CHST11: variants seen among roughly 807,000 people sequenced by gnomAD.
CHST11 encodes the protein C4S-1.
Under a neutral mutation model 30.4 loss-of-function variants are expected in CHST11, and 9 were observed. The ratio of observed to expected loss-of-function variants is 0.30; its 90% CI spans 0.18 to 0.52. The LOEUF is 0.52. Among genes scored for constraint, CHST11 ranks in the 20% least tolerant of loss-of-function variants. The pLI, the probability that CHST11 is intolerant of heterozygous loss-of-function variation, is 0.97. For synonymous variants in CHST11, 152 were observed against 187.8 expected (o/e 0.81, Z 1.56); for missense variants, 348 against 460.6 (o/e 0.76, Z 2.24).
At chr12:104,660,598 C>T (rs1386612421) in intron 2 of CHST11, among the ~76,000 whole-genome samples, 3 of 152,218 alleles carry the variant, frequency 2.0e-5, no homozygotes, top group Non-Finnish European at 2.9e-5. Flanking sequence ...AAATTTCCAT[C>T]CCGGCTGAGG....
At position 104,457,061 on chromosome 12, in the gene CHST11, G is replaced by A. The variant is rs1393808000; in HGVS notation, c.-351G>A. The A allele has an allele frequency of 1.6e-5, 3 of 185,184 alleles. No individual in the cohort carries two copies. The highest frequency in any genetic ancestry group is 1.8e-4 in the South Asian group (1 of 5,422). 11.5% of individuals were successfully genotyped at this position (185,184 alleles called of 1,614,324 possible). ...CCACAGCGGCCAGCGCAGCGGCAGC[G>A]GCGGCGGCACCACCATCACCGCTCG... On this transcript the variant is annotated 5_prime_UTR_variant, in exon 1 of 3. Coordinates refer to ENST00000303694, the MANE Select transcript of CHST11 (RefSeq NM_018413.6).
intron 2 of CHST11, among the ~76,000 whole-genome samples, chr12:104,626,597 A>C (rs945818078): frequency 2.6e-5 from 4 of 150,960 alleles, no homozygotes; most frequent in Non-Finnish European, 2.9e-5. Context: ...AAAAAAAAAA[A>C]CATGGTCAAA....
chr12:104,681,508 C>G (rs2039794919), intron 2 of CHST11, among the ~76,000 whole-genome samples: 1 of 152,118 alleles, frequency 6.6e-6, no homozygotes, highest in African/African-American at 2.4e-5. Flanking sequence ...TTGCACAACT[C>G]TGTAAATACA....
At position 104,600,252 on chromosome 12, in the gene CHST11, G is replaced by A. The variant is rs1480359259; in HGVS notation, c.119-1654G>A. On this transcript the variant is annotated intron_variant, in intron 1 of 2. Transcript: ENST00000303694. The surrounding 1 kb of genome is among the most constrained non-coding windows in gnomAD (Gnocchi z 4.1). ...CTTCCAGATGTCATCAGCTGCTTTT[G>A]GATGACTCTCCTCCCTTTCCTGACC... Among the ~76,000 whole-genome samples the A allele has an allele frequency of 2.6e-5, 4 of 152,280 alleles. No homozygotes were observed. Among genetic ancestry groups the A allele is most frequent in the African/African-American group, 9.6e-5 (4 of 41,544 alleles).
intron 2 of CHST11, among the ~76,000 whole-genome samples, chr12:104,618,472 T>C (rs2039130233): frequency 1.3e-5 from 2 of 152,060 alleles, no homozygotes; most frequent in Admixed American, 6.6e-5. Context: ...TGGGGTCAAG[T>C]AGTTCTCCTG....
At chr12:104,557,526 C>T (rs764776011) in intron 1 of CHST11, among the ~76,000 whole-genome samples, 32 of 152,048 alleles carry the variant, frequency 2.1e-4, no homozygotes, top group African/African-American at 6.3e-4. Context: ...CAGATAATGA[C>T]GGCCCAGGGG....
chr12:104,706,104 G>C (rs2040031568), intron 2 of CHST11, among the ~76,000 whole-genome samples: 1 of 150,810 alleles, frequency 6.6e-6, no homozygotes, highest in Non-Finnish European at 1.5e-5. Flanking sequence ...ATAGATATTG[G>C]TGGGTACAGT....
intron 1 of CHST11, among the ~76,000 whole-genome samples, chr12:104,582,699 C>T (rs1469528039): frequency 6.6e-6 from 1 of 152,012 alleles, no homozygotes. Flanking sequence ...AAGAACCTCT[C>T]TGCACTTGTT....
chr12:104,547,643 C>T lies in CHST11; in HGVS notation c.119-54263C>T, dbSNP rs553939036. Among the ~76,000 whole-genome samples the T allele has an allele frequency of 2.5e-4, 38 of 152,164 alleles. 1 individual carries two copies. The South Asian group carries it at 7.1e-3, about 28-fold the overall frequency. The stretch of plus-strand genomic sequence containing the variant: ...TTTTGCTTCCAAGTGCCAGCATCTC[C>T]GAGTAGTGTATCTGACACCAGCACA... On this transcript the variant is annotated intron_variant, in intron 1 of 2. Transcript: ENST00000303694.
chr12:104,541,015 AGAG>A (rs2038280380), intron 1 of CHST11, among the ~76,000 whole-genome samples: 1 of 152,302 alleles, frequency 6.6e-6, no homozygotes, highest in East Asian at 1.9e-4. Flanking sequence ...AATGACTCTT[AGAG>A]GAGATGACCC....
chr12:104,601,528 G>A (rs1347625327), intron 1 of CHST11, among the ~76,000 whole-genome samples: 1 of 152,232 alleles, frequency 6.6e-6, no homozygotes. Context: ...TGCTGGAGAA[G>A]TCTGCGGAAT....
intron 1 of CHST11, among the ~76,000 whole-genome samples, chr12:104,530,140 C>A (rs2038167766): frequency 6.6e-6 from 1 of 152,092 alleles, no homozygotes; most frequent in Non-Finnish European, 1.5e-5. Flanking sequence ...GCCTGGGAGA[C>A]AGAGTGAGAC....
At chr12:104,464,611 C>T (rs974876813) in intron 1 of CHST11, among the ~76,000 whole-genome samples, 1 of 152,140 alleles carries the variant, frequency 6.6e-6, no homozygotes, top group Non-Finnish European at 1.5e-5. Flanking sequence ...TCAAGGGATC[C>T]TCCTACATCA....
intron 2 of CHST11, among the ~76,000 whole-genome samples, chr12:104,722,155 A>AGAGTGTGT (rs1555247508): frequency 1.5e-5 from 2 of 137,482 alleles, no homozygotes; most frequent in Non-Finnish European, 3.1e-5. Flanking sequence ...CACTCAGCTA[A>AGAGTGTGT]GTGTGTGTGT....
chr12:104,747,569 A>C (rs1028001164), intron 2 of CHST11, among the ~76,000 whole-genome samples: 2 of 152,306 alleles, frequency 1.3e-5, no homozygotes, highest in African/African-American at 4.8e-5. Context: ...TCATATAATC[A>C]GAGCAAATCA....
chr12:104,514,299 GGCAGCCTGATCATTGGCTGT>G (rs2037998439), intron 1 of CHST11: 7 of 898,782 alleles, frequency 7.8e-6, no homozygotes, highest in Middle Eastern at 6.0e-4. Context: ...AGCGGTGTTT[GGCAGCCTGATCATTGGCTGT>G]GCCAGAAACC....
intron 2 of CHST11, among the ~76,000 whole-genome samples, chr12:104,704,824 C>T (rs1039454170): frequency 3.9e-5 from 6 of 152,112 alleles, no homozygotes. Context: ...TGGAGGAAAG[C>T]GGAAGGTTGT....
intron 2 of CHST11, among the ~76,000 whole-genome samples, chr12:104,617,633 A>G (rs1283125233): frequency 6.6e-6 from 1 of 152,168 alleles, no homozygotes; most frequent in African/African-American, 2.4e-5. Context: ...GGAATCACTT[A>G]TTTAAGTTCA....
At chr12:104,566,723 T>C (rs2038570931) in intron 1 of CHST11, among the ~76,000 whole-genome samples, 1 of 152,138 alleles carries the variant, frequency 6.6e-6, no homozygotes. Context: ...AAGTCGAAAT[T>C]ACCCTCTGTT....
Sources: allele counts gnomAD v4.1 joint callset (sites outside exome capture counted in the v4.1 genomes callset), GRCh38; gene constraint gnomAD v4.1.1; non-coding constraint Gnocchi (gnomAD v3.1); transcripts MANE v1.5; gene names NCBI Gene and HGNC (gene_info 2026-07-23, HGNC 2026-07-21).